PDE1C: variants seen among roughly 807,000 people sequenced by gnomAD.
PDE1C encodes the protein phosphodiesterase 1C.
A neutral mutation model predicts 93.1 loss-of-function variants in PDE1C; 62 were observed. The observed-to-expected ratio is 0.67, with a 90% CI of 0.54 to 0.82. PDE1C has a LOEUF of 0.82. PDE1C is among the 40% of genes least tolerant of loss of function. The pLI, the probability that PDE1C is intolerant of heterozygous loss-of-function variation, is 0.00. For synonymous variants in PDE1C, 325 were observed against 310.1 expected (o/e 1.05, Z -0.50); for missense variants, 742 against 884.6 (o/e 0.84, Z 2.04).
chr7:32,140,463 A>G (rs1211983106), intron 3 of PDE1C, among the ~76,000 whole-genome samples: 2 of 152,202 alleles, frequency 1.3e-5, no homozygotes, highest in South Asian at 2.1e-4. Context: ...CGTGTAGAAT[A>G]AAGTGATCTG....
At chr7:31,927,564 CAGGTGTCCCT>C (rs1266603722) in intron 2 of PDE1C, among the ~76,000 whole-genome samples, 1 of 152,170 alleles carries the variant, frequency 6.6e-6, no homozygotes, top group African/African-American at 2.4e-5. Context: ...TGGTATCAGA[CAGGTGTCCCT>C]CTGGGACAAA....
At chr7:32,311,407 G>A (rs1783037213) in intron 1 of PDE1C, among the ~76,000 whole-genome samples, 2 of 152,208 alleles carry the variant, frequency 1.3e-5, no homozygotes, top group African/African-American at 2.4e-5. Context: ...AATTTTCTGA[G>A]GCCAGCATCA....
the PDE1C span, among the ~76,000 whole-genome samples, chr7:31,704,515 G>A: frequency 4.6e-5 from 7 of 152,304 alleles, no homozygotes; most frequent in Non-Finnish European, 1.5e-5. Context: ...AATCCCTACT[G>A]CATTCTAAGT....
At chr7:32,334,088 TGAAAA>T (rs753213360) in intron 1 of PDE1C, among the ~76,000 whole-genome samples, 6 of 152,186 alleles carry the variant, frequency 3.9e-5, no homozygotes, top group Non-Finnish European at 5.9e-5. Context: ...AATGATTGAA[TGAAAA>T]GAAGTCTCAA....
At chr7:31,873,466 C>T in intron 5 of PDE1C, 58 bp from the exon 6 acceptor site, 1 of 1,006,042 alleles carries the variant, frequency 9.9e-7, no homozygotes, top group Non-Finnish European at 1.5e-6. Flanking sequence ...ACACACCTAC[C>T]AGTCTCCTCA....
At chr7:31,740,199 C>G in the PDE1C span, among the ~76,000 whole-genome samples, 1 of 152,202 alleles carries the variant, frequency 6.6e-6, no homozygotes, top group Non-Finnish European at 1.5e-5. Flanking sequence ...TGGCAATGGG[C>G]TCTTTGCTGC....
At chr7:32,331,337 G>A (rs1329033121) in intron 1 of PDE1C, among the ~76,000 whole-genome samples, 1 of 152,218 alleles carries the variant, frequency 6.6e-6, no homozygotes, top group African/African-American at 2.4e-5. Context: ...CTGCGCTGGT[G>A]TGCGAAGCAA....
intron 2 of PDE1C, among the ~76,000 whole-genome samples, chr7:31,950,081 AGT>A (rs1807157646): frequency 6.6e-6 from 1 of 152,200 alleles, no homozygotes; most frequent in South Asian, 2.1e-4. Flanking sequence ...TTGAGCAGAC[AGT>A]GTTTTTGGCC....
intron 2 of PDE1C, among the ~76,000 whole-genome samples, chr7:31,984,744 T>A (rs1164648571): frequency 6.6e-6 from 1 of 152,216 alleles, no homozygotes; most frequent in Non-Finnish European, 1.5e-5. Context: ...TTTAAAAATT[T>A]ATTCTGTTTG....
intron 2 of PDE1C, among the ~76,000 whole-genome samples, chr7:31,959,432 T>C (rs1808610501): frequency 6.6e-6 from 1 of 152,202 alleles, no homozygotes; most frequent in African/African-American, 2.4e-5. Flanking sequence ...CAGGCTGGTC[T>C]TAAACTCCTG....
chr7:31,794,045 CAG>C (rs1162749056), intron 16 of PDE1C, among the ~76,000 whole-genome samples: 3 of 89,564 alleles, frequency 3.3e-5, no homozygotes, highest in African/African-American at 1.5e-4. Flanking sequence ...GATAGATAGA[CAG>C]ACAGACAGAC....
chr7:31,894,384 T>G (rs973074867), intron 2 of PDE1C, among the ~76,000 whole-genome samples: 1 of 152,340 alleles, frequency 6.6e-6, no homozygotes, highest in African/African-American at 2.4e-5. Context: ...GGTCTTCCCA[T>G]GAAGTCTGAA....
chr7:32,409,523 A>G (rs1029290611), intron 1 of PDE1C, among the ~76,000 whole-genome samples: 1 of 152,342 alleles, frequency 6.6e-6, no homozygotes, highest in African/African-American at 2.4e-5. Context: ...ATATTAAGCA[A>G]TAGAATGCAA....
the PDE1C span, among the ~76,000 whole-genome samples, chr7:31,720,341 G>C: frequency 6.6e-6 from 1 of 152,130 alleles, no homozygotes; most frequent in Non-Finnish European, 1.5e-5. Context: ...GGGCCCTTGA[G>C]AGCAGGGTCA....
At position 31,879,022 on chromosome 7, in the gene PDE1C, T is replaced by C; in HGVS notation, c.399A>G (p.Ala133=). The C allele has an allele frequency of 6.2e-7, 1 of 1,614,168 alleles. No homozygotes were observed. Among genetic ancestry groups the C allele is most frequent in the Non-Finnish European group, 8.5e-7 (1 of 1,179,992 alleles). Residue 133 remains alanine, a synonymous_variant, in exon 4 of 18, where the codon GCA becomes GCG. Transcript: ENST00000396191. ...EKPRFKSIVH[A]VQAGIFVERM... ...TCTCCACAAATATCCCAGCCTGCAC[T>C]GCGTGAACGATGCTCTTGAACCGGG...
chr7:32,119,785 T>C (rs899474867), intron 3 of PDE1C, among the ~76,000 whole-genome samples: 1 of 152,166 alleles, frequency 6.6e-6, no homozygotes, highest in Non-Finnish European at 1.5e-5. Flanking sequence ...CAGGGACCCA[T>C]GCCTCCAGGG....
chr7:31,981,162 C>T (rs1429172038), intron 2 of PDE1C, among the ~76,000 whole-genome samples: 1 of 152,202 alleles, frequency 6.6e-6, no homozygotes, highest in Non-Finnish European at 1.5e-5. Flanking sequence ...TGTAACTACA[C>T]ACTACCTTGT....
chr7:32,089,879 A>G (rs956907692), intron 3 of PDE1C, among the ~76,000 whole-genome samples: 2 of 152,246 alleles, frequency 1.3e-5, no homozygotes, highest in Non-Finnish European at 2.9e-5. Flanking sequence ...TTTTGCCTCA[A>G]CAGCATTTTT....
chr7:32,207,639 A>G (rs956806752), intron 2 of PDE1C, among the ~76,000 whole-genome samples: 1 of 151,934 alleles, frequency 6.6e-6, no homozygotes, highest in Non-Finnish European at 1.5e-5. Context: ...TCCCTGTATC[A>G]GTCCAACCTA....
Sources: allele counts gnomAD v4.1 joint callset (sites outside exome capture counted in the v4.1 genomes callset), GRCh38; gene constraint gnomAD v4.1.1; transcripts MANE v1.5; gene names NCBI Gene and HGNC (gene_info 2026-07-23, HGNC 2026-07-21).